The following PRKG1 variants were observed in gnomAD, a reference collection of about 807,000 sequenced individuals.
The protein encoded by PRKG1 is protein kinase cGMP-dependent 1.
PRKG1 carries 35 observed loss-of-function variants against 88.1 expected under a neutral mutation model. The observed-to-expected ratio is 0.40, with a 90% CI of 0.30 to 0.53. The LOEUF (loss-of-function observed/expected upper bound fraction) is 0.53, where lower values mean the gene tolerates loss of function less well. Among genes scored for constraint, PRKG1 ranks in the 20% least tolerant of loss-of-function variants. The pLI, the probability that PRKG1 is intolerant of heterozygous loss-of-function variation, is 0.59. For missense variants in PRKG1, 540 were observed against 839.8 expected (o/e 0.64, Z 4.41); for synonymous variants, 303 against 292.5 (o/e 1.04, Z -0.37).
rs56045527 is a variant in PRKG1 at position 51,549,120 on chromosome 10, C to CTTTTTTTTTTTTT, written c.592+81293_592+81305dup. Among the ~76,000 whole-genome samples, 117 of 70,330 alleles carry CTTTTTTTTTTTTT rather than the reference C, an allele frequency of 1.7e-3. 9 individuals carry two copies. Among genetic ancestry groups the CTTTTTTTTTTTTT allele is most frequent in the African/African-American group, 5.2e-3 (93 of 17,880 alleles). The allele number at this position is 70,330 out of a possible 152,430, so 46.1% of individuals were successfully genotyped here. On this transcript the variant is annotated intron_variant, in intron 3 of 17. Coordinates refer to ENST00000373980, the MANE Select transcript of PRKG1 (RefSeq NM_006258.4). Reference sequence around the variant, plus strand: ...TTCTTTCCTTTCTTTCTTTTCTTTTCTTTTTTTTTTTTTTTTTTTTTGAGA... The same window carrying CTTTTTTTTTTTTT: ...TTCTTTCCTTTCTTTCTTTTCTTTTCTTTTTTTTTTTTTTTTTTTTTTTTTTTTTTTTTTGAGA...
chr10:51,032,988 C>T (rs1843304675), intron 1 of PRKG1, among the ~76,000 whole-genome samples: 1 of 152,020 alleles, frequency 6.6e-6, no homozygotes, highest in South Asian at 2.1e-4. Context: ...GCCGACGTAT[C>T]TTATTTCTAC....
rs576356558 is a variant in PRKG1 at position 51,944,101 on chromosome 10, G to A, written c.762+36531G>A. 2.6e-5 allele frequency among the ~76,000 whole-genome samples: 4 copies of A among 152,132 alleles called. No individual in the cohort carries two copies. The East Asian group carries it at 7.7e-4, about 29-fold the overall frequency. ...TCTGGTCCTGGACTCTTTTTGGTTA[G>A]TAAGCTATTGATTATTGCCACAATT... is the stretch of plus-strand genomic sequence containing the variant. On this transcript the variant is annotated intron_variant, in intron 5 of 17. Transcript: ENST00000373980.
At chr10:51,724,990 G>A (rs760149129) in intron 3 of PRKG1, among the ~76,000 whole-genome samples, 9 of 151,440 alleles carry the variant, frequency 5.9e-5, no homozygotes, top group South Asian at 4.2e-4. Flanking sequence ...GATTGCAGGC[G>A]TGAGCCACTG....
chr10:51,765,543 A>G (rs1216467034), intron 3 of PRKG1, among the ~76,000 whole-genome samples: 4 of 152,218 alleles, frequency 2.6e-5, no homozygotes, highest in African/African-American at 7.2e-5. Flanking sequence ...TGTCCTGTCC[A>G]GAGTTGAATT....
rs374902509 is a variant in PRKG1 at position 51,490,621 on chromosome 10, C to G, written c.592+22785C>G. Among the ~76,000 whole-genome samples the G allele has an allele frequency of 1.0e-3, 156 of 152,200 alleles. 2 individuals carry two copies. The South Asian group carries it at 0.03, about 29-fold the overall frequency. On this transcript the variant is annotated intron_variant, in intron 3 of 17. Coordinates refer to ENST00000373980, the MANE Select transcript of PRKG1 (RefSeq NM_006258.4). ...TGTCACTCCTAATAAGGAGCTGAGA[C>G]TATTTGAGCTTCAGAACAGTGTGAC...
chr10:52,147,980 G>C (rs565442321), intron 8 of PRKG1, among the ~76,000 whole-genome samples: 1 of 152,172 alleles, frequency 6.6e-6, no homozygotes, highest in Non-Finnish European at 1.5e-5. Context: ...CAAGGATACG[G>C]ATATAGATTT....
In PRKG1 at chr10:51,511,988, T is replaced by TA. The variant is rs1309214614; in HGVS notation, c.592+44158dup. Among the ~76,000 whole-genome samples, 5 of 152,158 alleles carry TA rather than the reference T, an allele frequency of 3.3e-5. No homozygotes were observed. In the East Asian group the frequency reaches 5.8e-4, roughly 18 times the overall value. ...GCTATGCATGACAACTCAAATGAAC[T>TA]AAAAAATAGATATTGAGCAAAACTG... On this transcript the variant is annotated intron_variant, in intron 3 of 17. Coordinates refer to ENST00000373980, the MANE Select transcript of PRKG1 (RefSeq NM_006258.4).
intron 9 of PRKG1, among the ~76,000 whole-genome samples, chr10:52,165,791 T>C (rs776127660): frequency 2.0e-5 from 3 of 152,190 alleles, no homozygotes; most frequent in Non-Finnish European, 2.9e-5. Context: ...AAAACTTAAA[T>C]GGTAGTATAA....
intron 5 of PRKG1, among the ~76,000 whole-genome samples, chr10:52,014,876 T>A (rs759864247): frequency 2.0e-5 from 3 of 152,234 alleles, no homozygotes; most frequent in Non-Finnish European, 4.4e-5. Context: ...TGACTCCATG[T>A]CTCACATTCA....
intron 3 of PRKG1, among the ~76,000 whole-genome samples, chr10:51,656,074 T>C (rs897330650): frequency 6.6e-6 from 1 of 152,146 alleles, no homozygotes; most frequent in Non-Finnish European, 1.5e-5. Context: ...GTTTGAGATG[T>C]ACAAGAAAAG....
chr10:51,555,659 G>A (rs1564548205), intron 3 of PRKG1, among the ~76,000 whole-genome samples: 1 of 152,010 alleles, frequency 6.6e-6, no homozygotes, highest in Non-Finnish European at 1.5e-5. Flanking sequence ...CCTTCTTCCT[G>A]TTGGCAGGTA....
chr10:52,050,379 T>C (rs1193701257), intron 5 of PRKG1, among the ~76,000 whole-genome samples: 1 of 152,176 alleles, frequency 6.6e-6, no homozygotes, highest in Non-Finnish European at 1.5e-5. Context: ...GATTTCTTCT[T>C]ACTCTAAATT....
chr10:51,016,669 C>CTTTTTTTTTTTTTTTTTTTTTTTTTTTT lies in PRKG1; in HGVS notation c.266+25028_266+25029insTTTTTTTTTTTTTTTTTTTTTTTTTTTT, dbSNP rs1323068893. On this transcript the variant is annotated intron_variant, in intron 1 of 17. Transcript: ENST00000401604. ...ACCCAGTGAAGAAGGTATTATTATC[C>CTTTTTTTTTTTTTTTTTTTTTTTTTTTT]TTTCTTTTTTTTTTTTTTTTTTTGG... Among the ~76,000 whole-genome samples, 10 of 22,768 alleles carry CTTTTTTTTTTTTTTTTTTTTTTTTTTTT rather than the reference C, an allele frequency of 4.4e-4. 1 individual carries two copies. The highest frequency in any genetic ancestry group is 6.6e-4 in the Non-Finnish European group (8 of 12,120). The allele number at this position is 22,768 out of a possible 152,430, so 14.9% of individuals were successfully genotyped here.
intron 4 of PRKG1, among the ~76,000 whole-genome samples, chr10:51,902,144 T>C (rs1015142861): frequency 2.6e-5 from 4 of 152,144 alleles, no homozygotes; most frequent in Non-Finnish European, 5.9e-5. Context: ...GATGGAGTTT[T>C]GCTCTCGTTG....
chr10:51,054,887 G>T (rs112481447), intron 1 of PRKG1, among the ~76,000 whole-genome samples: 1 of 152,088 alleles, frequency 6.6e-6, no homozygotes, highest in African/African-American at 2.4e-5. Context: ...CATTTGTGAG[G>T]CTTCTAATGG....
chr10:51,134,084 T>G (rs1379806536), intron 1 of PRKG1, among the ~76,000 whole-genome samples: 2 of 152,214 alleles, frequency 1.3e-5, no homozygotes, highest in East Asian at 3.8e-4. Flanking sequence ...AATTCAAAAT[T>G]TTAATGTTAA....
intron 5 of PRKG1, among the ~76,000 whole-genome samples, chr10:51,924,596 A>C (rs1294554465): frequency 6.6e-6 from 1 of 152,046 alleles, no homozygotes; most frequent in African/African-American, 2.4e-5. Context: ...ATTTTGGAAA[A>C]TCATCAGACA....
chr10:51,008,386 T>C (rs1223623709), intron 1 of PRKG1, among the ~76,000 whole-genome samples: 1 of 152,166 alleles, frequency 6.6e-6, no homozygotes, highest in Non-Finnish European at 1.5e-5. Flanking sequence ...GCAACAGAAA[T>C]TTATTTACTC....
chr10:51,064,011 CTT>C (rs900761729), intron 1 of PRKG1, among the ~76,000 whole-genome samples: 6 of 152,004 alleles, frequency 3.9e-5, no homozygotes, highest in Non-Finnish European at 5.9e-5. Context: ...ACAAATTTCT[CTT>C]GTCATGTGAT....
Sources: gnomAD v4.1 joint callset for allele counts (sites outside exome capture counted in the v4.1 genomes callset) on GRCh38, gnomAD v4.1.1 for gene constraint, MANE v1.5 for transcripts, NCBI Gene and HGNC (gene_info 2026-07-23, HGNC 2026-07-21) for gene names.